Variants in ST8SIA6 observed in about 807,000 individuals in gnomAD.
The protein encoded by ST8SIA6 is ST8 alpha-N-acetyl-neuraminide alpha-2,8-sialyltransferase 6.
A neutral mutation model predicts 33.6 loss-of-function variants in ST8SIA6; 39 were observed. The ratio of observed to expected loss-of-function variants is 1.16; its 90% confidence interval spans 0.90 to 1.52. The LOEUF (loss-of-function observed/expected upper bound fraction) is 1.52. ST8SIA6 is among the 40% of genes most tolerant of loss of function. The pLI is 0.00. For missense variants in ST8SIA6, 441 were observed against 443.8 expected (o/e 0.99, Z 0.06); for synonymous variants, 172 against 167.2 (o/e 1.03, Z -0.22).
At chr10:17,333,247 C>G (rs1380133031) in intron 4 of ST8SIA6, among the ~76,000 whole-genome samples, 1 of 151,916 alleles carries the variant, frequency 6.6e-6, no homozygotes, top group Non-Finnish European at 1.5e-5. Flanking sequence ...AGAGAGGACA[C>G]AAACAAATGG....
rs956592662 is a variant in ST8SIA6, at chr10:17,315,784, C to A, written c.*5094G>T. 1.3e-5 allele frequency among the ~76,000 whole-genome samples: 2 copies of A among 151,828 alleles called. No individual in the cohort carries two copies. ...AAGAGGGAGGGATTACAAAGTAGCA[C>A]AAGAAAACATTTTGGGGTAATGAAT... On this transcript the variant is annotated 3_prime_UTR_variant, in exon 8 of 8. Coordinates refer to ENST00000377602, the MANE Select transcript of ST8SIA6 (RefSeq NM_001004470.3).
intron 4 of ST8SIA6, among the ~76,000 whole-genome samples, chr10:17,334,591 G>A (rs1848447479): frequency 6.7e-6 from 1 of 149,282 alleles, no homozygotes; most frequent in Non-Finnish European, 1.5e-5. Context: ...CAGAAACTAA[G>A]TTAAGAACAG....
At chr10:17,406,090 T>G (rs1194562568) in intron 2 of ST8SIA6, among the ~76,000 whole-genome samples, 1 of 152,156 alleles carries the variant, frequency 6.6e-6, no homozygotes, top group Non-Finnish European at 1.5e-5. Flanking sequence ...GAAACCAGAA[T>G]GTGTCACCTC....
intron 3 of ST8SIA6, among the ~76,000 whole-genome samples, chr10:17,381,384 C>T (rs1850146851): frequency 6.6e-6 from 1 of 152,084 alleles, no homozygotes; most frequent in Admixed American, 6.5e-5. Context: ...GTACCTCCAT[C>T]GGCATGCCTA....
Position 17,349,007 on chromosome 10 carries a change from G to A in ST8SIA6, c.377+10507C>T, listed in dbSNP as rs150311995. Among the ~76,000 whole-genome samples, 502 of 152,264 alleles carry A rather than the reference G, an allele frequency of 3.3e-3. 3 individuals carry two copies. Among genetic ancestry groups the A allele is most frequent in the Non-Finnish European group, 4.0e-3 (272 of 68,026 alleles). The stretch of plus-strand genomic sequence containing the variant: ...TTCCTGATTAGACCTCAGAGCACGT[G>A]GTTTGACCGGCCATCTGGAAAGGGA... On this transcript the variant is annotated intron_variant, in intron 4 of 7. Transcript: ENST00000377602.
At chr10:17,327,371 G>A (rs1281066916) in intron 5 of ST8SIA6, among the ~76,000 whole-genome samples, 1 of 151,214 alleles carries the variant, frequency 6.6e-6, no homozygotes, top group Non-Finnish European at 1.5e-5. Flanking sequence ...TGGATCACAA[G>A]GTCAGGAGTT....
At chr10:17,394,666 C>T (rs1365051937) in intron 2 of ST8SIA6, among the ~76,000 whole-genome samples, 1 of 152,062 alleles carries the variant, frequency 6.6e-6, no homozygotes, top group Non-Finnish European at 1.5e-5. Flanking sequence ...CTTTTTTCAT[C>T]TAATGTCATT....
rs1461665994 is a variant in ST8SIA6 at position 17,315,776 on chromosome 10, AAGT to A, written c.*5099_*5101del. The stretch of plus-strand genomic sequence containing the variant: ...GGAGGAAGAAGAGGGAGGGATTACA[AAGT>A]AGCACAAGAAAACATTTTGGGGTAA... On this transcript the variant is annotated 3_prime_UTR_variant, in exon 8 of 8. Transcript: ENST00000377602. Among the ~76,000 whole-genome samples, 1 of 151,950 alleles carries A rather than the reference AAGT, an allele frequency of 6.6e-6. No homozygotes were observed. The highest frequency in any genetic ancestry group is 1.5e-5 in the Non-Finnish European group (1 of 67,868).
At chr10:17,356,537 C>A (rs1377102287) in intron 4 of ST8SIA6, among the ~76,000 whole-genome samples, 1 of 151,806 alleles carries the variant, frequency 6.6e-6, no homozygotes, top group Non-Finnish European at 1.5e-5. Flanking sequence ...ACAAGTATGC[C>A]CCGTTATGCC....
intron 4 of ST8SIA6, among the ~76,000 whole-genome samples, chr10:17,341,900 C>CAAAAAAAAAAAA (rs71393004): frequency 2.7e-5 from 2 of 73,156 alleles, no homozygotes; most frequent in Non-Finnish European, 4.8e-5. Context: ...GGCTCCATCT[C>CAAAAAAAAAAAA]AAAAAAAAAA....
At chr10:17,372,449 A>T (rs779145601) in intron 3 of ST8SIA6, among the ~76,000 whole-genome samples, 7 of 152,188 alleles carry the variant, frequency 4.6e-5, no homozygotes, top group Non-Finnish European at 2.9e-5. Flanking sequence ...ATTTTATCCA[A>T]ATCCCAGCTC....
At chr10:17,363,638 G>C (rs529462644) in intron 3 of ST8SIA6, among the ~76,000 whole-genome samples, 14 of 152,214 alleles carry the variant, frequency 9.2e-5, no homozygotes, top group African/African-American at 3.4e-4. Context: ...GCTCATACAA[G>C]CTTATGGGAG....
rs781456319 is a variant in ST8SIA6, at chr10:17,359,498, T to C, written c.377+16A>G. ...AGACATTTTTAAAATCTCATATTATTTATGAAAAAAATTACCTAAAATTTG... is the reference window on the plus strand; with the variant it reads ...AGACATTTTTAAAATCTCATATTATCTATGAAAAAAATTACCTAAAATTTG... On this transcript the variant is annotated intron_variant, in intron 4 of 7. Coordinates refer to ENST00000377602, the MANE Select transcript of ST8SIA6 (RefSeq NM_001004470.3). The C allele has an allele frequency of 6.4e-7, 1 of 1,554,722 alleles. No individual in the cohort carries two copies. The highest frequency in any genetic ancestry group is 1.2e-5 in the South Asian group (1 of 85,986).
In ST8SIA6 at chr10:17,331,496, T is replaced by C. The variant is rs753009687; in HGVS notation, c.434A>G (p.Asn145Ser). 1 of 1,613,352 alleles carries C rather than the reference T, an allele frequency of 6.2e-7. No individual in the cohort carries two copies. Among genetic ancestry groups the C allele is most frequent in the Non-Finnish European group, 8.5e-7 (1 of 1,179,774 alleles). ...AVQNFVVSQN[N>S]TPVGTNMSYE... is the part of the protein sequence containing the mutation. ...ACTCATATTAGTCCCAACTGGAGTG[T>C]TATTCTGAGAAACAACAAAGTTTTG... is the stretch of plus-strand genomic sequence containing the variant. Residue 145 changes from asparagine (N) to serine (S), a missense_variant, in exon 5 of 8, where the codon AAC (asparagine) becomes AGC (serine). Asn to Ser is a conservative substitution (Grantham distance 46). Coordinates refer to ENST00000377602, the MANE Select transcript of ST8SIA6 (RefSeq NM_001004470.3).
intron 3 of ST8SIA6, among the ~76,000 whole-genome samples, chr10:17,386,568 T>A (rs1024419387): frequency 6.6e-6 from 1 of 152,132 alleles, no homozygotes; most frequent in Non-Finnish European, 1.5e-5. Flanking sequence ...GTAGTTAACC[T>A]GCAACGACAT....
rs200138524 is a variant in ST8SIA6 at position 17,425,645 on chromosome 10, G to GA, written c.200+27913_200+27914insT. Among the ~76,000 whole-genome samples the GA allele has an allele frequency of 2.0e-5, 3 of 148,296 alleles. No individual in the cohort carries two copies. In the South Asian group the frequency reaches 6.6e-4, roughly 32 times the overall value. On this transcript the variant is annotated intron_variant, in intron 2 of 7. Coordinates refer to ENST00000377602, the MANE Select transcript of ST8SIA6 (RefSeq NM_001004470.3). The stretch of plus-strand genomic sequence containing the variant: ...AGAAAGAAAGAAAGAGAGGAAGAAA[G>GA]GAGGGAGGGAGGGAGGAAGGGAAGA...
At chr10:17,345,364 G>A (rs997027461) in intron 4 of ST8SIA6, among the ~76,000 whole-genome samples, 1 of 152,196 alleles carries the variant, frequency 6.6e-6, no homozygotes, top group Admixed American at 6.5e-5. Flanking sequence ...CCACAATCAT[G>A]CAAGCCCAAG....
chr10:17,340,177 T>A (rs887537893), intron 4 of ST8SIA6, among the ~76,000 whole-genome samples: 1 of 152,178 alleles, frequency 6.6e-6, no homozygotes, highest in Admixed American at 6.6e-5. Context: ...AAGTTTAACT[T>A]CCTCGTTCTC....
intron 4 of ST8SIA6, among the ~76,000 whole-genome samples, chr10:17,358,813 GC>G (rs1203130625): frequency 6.6e-6 from 1 of 152,014 alleles, no homozygotes. Flanking sequence ...AAGAAAAGAA[GC>G]CCCGCCCCCC....
Sources: gnomAD v4.1 joint callset for allele counts (sites outside exome capture counted in the v4.1 genomes callset) on GRCh38, gnomAD v4.1.1 for gene constraint, MANE v1.5 for transcripts, NCBI Gene and HGNC (gene_info 2026-07-23, HGNC 2026-07-21) for gene names.